Variants in ZNF365 observed in about 807,000 individuals in gnomAD.
The protein encoded by ZNF365 is protein ZNF365.
Under a neutral mutation model 35.0 loss-of-function variants are expected in ZNF365, and 22 were observed. That is an observed-to-expected ratio of 0.63 (90% CI 0.45 to 0.90). ZNF365 has a LOEUF of 0.90. ZNF365 is among the 40% of genes least tolerant of loss of function. The pLI, the probability that ZNF365 is intolerant of heterozygous loss-of-function variation, is 0.00. For synonymous variants in ZNF365, 188 were observed against 196.2 expected, an observed-to-expected ratio of 0.96 and a Z score of 0.35; for missense variants, 448 against 500.3, an observed-to-expected ratio of 0.90 and a Z score of 1.00.
chr10:62,431,295 G>T (rs942572995), intron 3 of ZNF365, among the ~76,000 whole-genome samples: 6 of 152,074 alleles, frequency 3.9e-5, no homozygotes, highest in African/African-American at 1.4e-4. Flanking sequence ...TTCTCTTGAG[G>T]GTCCTTCCAG....
chr10:62,454,526 A>G (rs936614773), intron 3 of ZNF365, among the ~76,000 whole-genome samples: 1 of 152,192 alleles, frequency 6.6e-6, no homozygotes, highest in African/African-American at 2.4e-5. Context: ...TTACGGAAAC[A>G]CTGAGAGTGC....
intron 3 of ZNF365, among the ~76,000 whole-genome samples, chr10:62,417,827 T>C (rs964300631): frequency 1.8e-4 from 27 of 151,976 alleles, no homozygotes; most frequent in African/African-American, 6.0e-4. Flanking sequence ...TTGCTTTTCT[T>C]AAAAAGACTG....
chr10:62,374,565 T>C (rs1385772707), intron 1 of ZNF365, 107 bp downstream of exon 1: 2 of 151,614 alleles, frequency 1.3e-5, no homozygotes, highest in Non-Finnish European at 1.5e-5. Context: ...TGGCGGGGAG[T>C]TGGGAGAGCC....
At chr10:62,475,194 A>G (rs1225598135) in intron 4 of ZNF365, among the ~76,000 whole-genome samples, 3 of 152,214 alleles carry the variant, frequency 2.0e-5, no homozygotes, top group African/African-American at 7.2e-5. Context: ...AATTCCTCAC[A>G]ATGGACAAGT....
intron 3 of ZNF365, among the ~76,000 whole-genome samples, chr10:62,426,978 G>A (rs1027534676): frequency 6.6e-6 from 1 of 152,146 alleles, no homozygotes; most frequent in Admixed American, 6.5e-5. Flanking sequence ...CGTAATAACA[G>A]TCATGACCTT....
chr10:62,477,626 T>C (rs899281861), intron 4 of ZNF365, among the ~76,000 whole-genome samples: 2 of 152,214 alleles, frequency 1.3e-5, no homozygotes, highest in Non-Finnish European at 2.9e-5. Flanking sequence ...ACCTCAAGTC[T>C]TAGTGGCTTC....
intron 1 of ZNF365, 80 bp downstream of exon 1, chr10:62,374,538 T>A (rs1839280077): frequency 6.7e-6 from 1 of 150,282 alleles, no homozygotes; most frequent in African/African-American, 2.5e-5. Flanking sequence ...GGGGAGGGGG[T>A]CCCCGAGCCC....
At chr10:62,423,642 G>T (rs1025051224) in intron 3 of ZNF365, among the ~76,000 whole-genome samples, 4 of 152,062 alleles carry the variant, frequency 2.6e-5, no homozygotes, top group African/African-American at 9.7e-5. Flanking sequence ...GAAAATCCTT[G>T]CTATGAGGGT....
At chr10:62,436,190 C>T (rs1253603194) in intron 3 of ZNF365, among the ~76,000 whole-genome samples, 6 of 151,968 alleles carry the variant, frequency 3.9e-5, no homozygotes, top group Middle Eastern at 3.2e-3. Flanking sequence ...CTATAATTAG[C>T]GTGTAACTGG....
intron 3 of ZNF365, among the ~76,000 whole-genome samples, chr10:62,397,832 A>G (rs1453183469): frequency 1.3e-5 from 2 of 152,218 alleles, no homozygotes; most frequent in Non-Finnish European, 2.9e-5. Context: ...ATTAGCTGCA[A>G]ATACAGCCTG....
chr10:62,422,512 G>C (rs773819289), intron 3 of ZNF365, among the ~76,000 whole-genome samples: 15 of 152,070 alleles, frequency 9.9e-5, no homozygotes, highest in Non-Finnish European at 1.6e-4. Flanking sequence ...CCACTATTTA[G>C]ACCTAATGAC....
Position 62,424,087 on chromosome 10 carries a change from C to T in ZNF365, c.924+35511C>T, listed in dbSNP as rs541127727. Among the ~76,000 whole-genome samples the T allele has an allele frequency of 2.7e-3, 418 of 152,196 alleles. 1 individual carries two copies. Among genetic ancestry groups the T allele is most frequent in the Non-Finnish European group, 4.4e-3 (301 of 68,000 alleles). ...GTTATTAATGAACTTTTATAACAGA[C>T]TATAGCAAATATTATCTGGGGAAAG... On this transcript the variant is annotated intron_variant, in intron 3 of 4. Transcript: ENST00000395255.
At chr10:62,443,928 T>C (rs1156421589) in intron 3 of ZNF365, among the ~76,000 whole-genome samples, 1 of 152,234 alleles carries the variant, frequency 6.6e-6, no homozygotes, top group Non-Finnish European at 1.5e-5. Context: ...CTTGAACTTT[T>C]GCCCCCATGG....
chr10:62,388,442 G>T lies in ZNF365; in HGVS notation c.790G>T (p.Glu264Ter). Reference sequence around the variant, plus strand: ...TTTCCTGGAAGCGGCAGCTGAGAAGGAGGTTCAAGGGAAAGCCCGGCTCCA... The same window carrying T: ...TTTCCTGGAAGCGGCAGCTGAGAAGTAGGTTCAAGGGAAAGCCCGGCTCCA... ...NHFLEAAAEK[E>*]VQGKARLQDF... Residue 264 changes from glutamate to a stop codon, truncating the protein, a stop_gained, in exon 3 of 5, where the codon GAG becomes TAG. Coordinates refer to ENST00000395254, the MANE Select transcript of ZNF365 (RefSeq NM_014951.3). LOFTEE classifies it high-confidence loss of function. 1 of 1,614,252 alleles carries T rather than the reference G, an allele frequency of 6.2e-7. No homozygotes were observed. The highest frequency in any genetic ancestry group is 8.5e-7 in the Non-Finnish European group (1 of 1,180,042).
chr10:62,480,029 A>G, exon 5 of ZNF365: 1 of 1,448,450 alleles, frequency 6.9e-7, no homozygotes, highest in South Asian at 1.4e-5. Context: ...CTTTACAAGA[A>G]ACTTGGGCTA....
chr10:62,420,081 A>G (rs1050286841), intron 3 of ZNF365, among the ~76,000 whole-genome samples: 1 of 152,204 alleles, frequency 6.6e-6, no homozygotes, highest in Non-Finnish European at 1.5e-5. Flanking sequence ...TTTATTTTAT[A>G]ACATTAAATA....
At chr10:62,459,596 C>A in intron 3 of ZNF365, 1 of 861,606 alleles carries the variant, frequency 1.2e-6, no homozygotes, top group South Asian at 1.9e-5. Context: ...CACATTAATG[C>A]AATTTCTGTT....
At chr10:62,442,082 T>C (rs1840510610) in intron 3 of ZNF365, among the ~76,000 whole-genome samples, 1 of 152,236 alleles carries the variant, frequency 6.6e-6, no homozygotes, top group Non-Finnish European at 1.5e-5. Context: ...CTTACACTGC[T>C]ATAAGCACAC....
At chr10:62,392,959 G>A (rs1487328771) in intron 3 of ZNF365, among the ~76,000 whole-genome samples, 1 of 151,930 alleles carries the variant, frequency 6.6e-6, no homozygotes, top group East Asian at 1.9e-4. Context: ...TACCAGAGAA[G>A]TACAATAATA....
Sources: allele counts gnomAD v4.1 joint callset (sites outside exome capture counted in the v4.1 genomes callset), GRCh38; gene constraint gnomAD v4.1.1; transcripts MANE v1.5; gene names NCBI Gene and HGNC (gene_info 2026-07-23, HGNC 2026-07-21).